RORA: variants seen among roughly 807,000 people sequenced by gnomAD.
RORA encodes the protein nuclear receptor ROR-alpha.
Under a neutral mutation model 69.5 loss-of-function variants are expected in RORA, and 7 were observed. That is an observed-to-expected ratio of 0.10 (90% CI 0.06 to 0.19). The LOEUF (loss-of-function observed/expected upper bound fraction) is 0.19, where lower values mean the gene tolerates loss of function less well. Ranked by LOEUF, RORA falls within the 10% of genes least tolerant of loss-of-function variation. The pLI, the probability that RORA is intolerant of heterozygous loss-of-function variation, is 1.00. For missense variants in RORA, 457 were observed against 663.0 expected (o/e 0.69, Z 3.41); for synonymous variants, 261 against 240.8 (o/e 1.08, Z -0.78).
intron 2 of RORA, among the ~76,000 whole-genome samples, chr15:60,594,414 T>C (rs1236309098): frequency 6.6e-6 from 1 of 152,238 alleles, no homozygotes; most frequent in Non-Finnish European, 1.5e-5. Flanking sequence ...TTTTGTATCG[T>C]TAAAGGATGG....
intron 1 of RORA, among the ~76,000 whole-genome samples, chr15:60,680,920 A>G (rs149132515): frequency 6.4e-4 from 97 of 152,360 alleles, no homozygotes; most frequent in African/African-American, 2.3e-3. Context: ...ATTTGTTAAA[A>G]TTGCATTACA....
intron 2 of RORA, among the ~76,000 whole-genome samples, chr15:60,579,064 GTTTTTTTTTTT>G (rs869076097): frequency 1.7e-3 from 218 of 129,674 alleles, no homozygotes; most frequent in Non-Finnish European, 1.7e-3. Flanking sequence ...ACCGCGCCCG[GTTTTTTTTTTT>G]TTTTTTTTTT....
At chr15:60,588,644 G>A (rs1029132026) in intron 2 of RORA, among the ~76,000 whole-genome samples, 2 of 152,128 alleles carry the variant, frequency 1.3e-5, no homozygotes, top group Non-Finnish European at 2.9e-5. Context: ...GGGAAAGATA[G>A]GAGAAAAAGG....
In RORA at chr15:60,993,998, T is replaced by C. The variant is rs116133684; in HGVS notation, c.166+235055A>G. On this transcript the variant is annotated intron_variant, in intron 1 of 10. Transcript: ENST00000335670. ...ACCTATAAAAGGGGCAAAAAACATG[T>C]GTTACCCTCATCTGGTATAAATGCA... Among the ~76,000 whole-genome samples, 648 of 152,324 alleles carry C rather than the reference T, an allele frequency of 4.3e-3. 9 individuals are homozygous for C. The highest frequency in any genetic ancestry group is 0.015 in the African/African-American group (620 of 41,576).
At chr15:60,772,745 T>C (rs2072097168) in intron 1 of RORA, among the ~76,000 whole-genome samples, 1 of 152,220 alleles carries the variant, frequency 6.6e-6, no homozygotes, top group Admixed American at 6.5e-5. Context: ...TAGCCCAGAC[T>C]GCCCAACACT....
intron 1 of RORA, among the ~76,000 whole-genome samples, chr15:60,838,155 C>A (rs1445380150): frequency 1.3e-5 from 2 of 152,124 alleles, no homozygotes; most frequent in African/African-American, 4.8e-5. Flanking sequence ...GTGTTCCCTA[C>A]CCCCTTAGAC....
intron 1 of RORA, among the ~76,000 whole-genome samples, chr15:60,903,536 C>T (rs922857013): frequency 6.6e-6 from 1 of 152,194 alleles, no homozygotes; most frequent in African/African-American, 2.4e-5. Context: ...CCAAAGCACA[C>T]GATAGGGTAC....
At chr15:60,682,096 T>A (rs1013743919) in intron 1 of RORA, 6 of 152,334 alleles carry the variant, frequency 3.9e-5, no homozygotes, top group African/African-American at 1.4e-4. Context: ...ACTTTTCTAG[T>A]CCTGAATTTC....
chr15:60,637,612 T>A (rs914709167), intron 2 of RORA, among the ~76,000 whole-genome samples: 10 of 152,084 alleles, frequency 6.6e-5, no homozygotes, highest in African/African-American at 2.4e-4. Context: ...GTGAAAAAAA[T>A]TTATTTTTCT....
chr15:60,901,525 A>C (rs1767801434), intron 1 of RORA, among the ~76,000 whole-genome samples: 1 of 152,250 alleles, frequency 6.6e-6, no homozygotes, highest in Non-Finnish European at 1.5e-5. Flanking sequence ...CTCAGCTGAA[A>C]GAAATATCTA....
chr15:60,755,806 C>T (rs530648138), intron 1 of RORA, among the ~76,000 whole-genome samples: 9 of 152,252 alleles, frequency 5.9e-5, no homozygotes, highest in South Asian at 4.2e-4. Flanking sequence ...TGTTTGTTCC[C>T]TCTCTTGTTC....
intron 1 of RORA, among the ~76,000 whole-genome samples, chr15:61,104,447 A>T (rs1242080208): frequency 6.6e-6 from 1 of 152,180 alleles, no homozygotes; most frequent in Non-Finnish European, 1.5e-5. Flanking sequence ...CTTTTGGAAT[A>T]GAGGAGGTAT....
intron 2 of RORA, chr15:60,593,239 C>G (rs565847270): frequency 5.5e-6 from 1 of 181,336 alleles, no homozygotes; most frequent in East Asian, 1.9e-4. Flanking sequence ...CAACCCCCTT[C>G]CCCGCGTCCA....
At chr15:60,809,233 C>T (rs1426151558) in intron 1 of RORA, among the ~76,000 whole-genome samples, 1 of 152,196 alleles carries the variant, frequency 6.6e-6, no homozygotes, top group Non-Finnish European at 1.5e-5. Flanking sequence ...ATATTCCACA[C>T]ATCCTAAAAA....
chr15:60,636,075 C>T (rs2069834359), intron 2 of RORA, among the ~76,000 whole-genome samples: 1 of 152,180 alleles, frequency 6.6e-6, no homozygotes, highest in South Asian at 2.1e-4. Flanking sequence ...GTGTGATTCT[C>T]AAATGAACTC....
intron 2 of RORA, among the ~76,000 whole-genome samples, chr15:60,586,374 C>A (rs1261425928): frequency 6.6e-6 from 1 of 152,020 alleles, no homozygotes; most frequent in Admixed American, 6.6e-5. Flanking sequence ...GAGGAAGAAA[C>A]TGACCAAGAT....
At position 61,147,374 on chromosome 15, in the gene RORA, C is replaced by G. The variant is rs1449846601; in HGVS notation, c.166+81679G>C. ...CCTGCTGGAAGCCATGTTGCCTGGG[C>G]ACCGTGAGGCTCACCCTCCCTCCCC... On this transcript the variant is annotated intron_variant, in intron 1 of 10. Transcript: ENST00000335670. The surrounding 1 kb of genome is among the most constrained non-coding windows in gnomAD (Gnocchi z 4.1). Among the ~76,000 whole-genome samples, 2 of 152,152 alleles carry G rather than the reference C, an allele frequency of 1.3e-5. No individual in the cohort carries two copies. Among genetic ancestry groups the G allele is most frequent in the African/African-American group, 4.8e-5 (2 of 41,434 alleles).
chr15:60,967,483 G>A (rs768678702), intron 1 of RORA, among the ~76,000 whole-genome samples: 6 of 152,152 alleles, frequency 3.9e-5, no homozygotes, highest in Non-Finnish European at 7.4e-5. Flanking sequence ...TCATTATGAC[G>A]TGCTCCTCTC....
intron 2 of RORA, among the ~76,000 whole-genome samples, chr15:60,646,256 C>T (rs974798079): frequency 2.6e-5 from 4 of 152,174 alleles, no homozygotes; most frequent in African/African-American, 9.7e-5. Flanking sequence ...TGCTCTTTTT[C>T]CTTGCTTCCA....
Sources: allele counts gnomAD v4.1 joint callset (sites outside exome capture counted in the v4.1 genomes callset), GRCh38; gene constraint gnomAD v4.1.1; non-coding constraint Gnocchi (gnomAD v3.1); transcripts MANE v1.5; gene names NCBI Gene and HGNC (gene_info 2026-07-23, HGNC 2026-07-21).